The following GRID2IP variants were observed in gnomAD, a reference collection of about 807,000 sequenced individuals.
GRID2IP encodes the protein Grid2 interacting protein, also known as delphilin.
A neutral mutation model predicts 114.3 loss-of-function variants in GRID2IP; 78 were observed. The ratio of observed to expected loss-of-function variants is 0.68; its 90% confidence interval spans 0.57 to 0.82. The LOEUF (loss-of-function observed/expected upper bound fraction) is 0.82. Ranked by LOEUF, GRID2IP falls within the 40% of genes least tolerant of loss-of-function variation. GRID2IP has a pLI of 0.00. For missense variants in GRID2IP, 1,727 were observed against 1,678.5 expected, an observed-to-expected ratio of 1.03 and a Z score of -0.51; for synonymous variants, 809 against 724.0, an observed-to-expected ratio of 1.12 and a Z score of -1.89.
At chr7:6,502,913 C>T (rs1383285416) in intron 17 of GRID2IP, 41 bp from the exon 18 acceptor site, 1 of 1,539,378 alleles carries the variant, frequency 6.5e-7, no homozygotes, top group Admixed American at 2.0e-5. Context: ...CTCACCCCAC[C>T]ACCCATCCAC....
At chr7:6,497,897 G>A in intron 21 of GRID2IP, 52 bp from the exon 22 acceptor site, 1 of 1,486,040 alleles carries the variant, frequency 6.7e-7, no homozygotes, top group African/African-American at 1.4e-5. Flanking sequence ...AGGAACCTGT[G>A]ACGCCTTCCC....
chr7:6,526,574 C>T lies in GRID2IP; in HGVS notation c.780G>A (p.Pro260=). 1 of 1,203,066 alleles carries T rather than the reference C, an allele frequency of 8.3e-7. No homozygotes were observed. The highest frequency in any genetic ancestry group is 1.6e-5 in the African/African-American group (1 of 63,094). The allele number at this position is 1,203,066 out of a possible 1,614,324, so 74.5% of individuals were successfully genotyped here. A position where few individuals can be genotyped will look rare whatever the true frequency, so the allele number is the denominator to read the frequency against. Residue 260 remains proline, a synonymous_variant, in exon 3 of 22, where the codon CCG becomes CCA. Coordinates refer to ENST00000457091, the MANE Select transcript of GRID2IP (RefSeq NM_001145118.2). This position sits in a 1 kb window ranked among gnomAD's most constrained non-coding sequence, Gnocchi z 7.6. ...APPRRPDEPP[P]RRASLLVGGL... is the part of the protein sequence containing the mutation. ...CGCCCACCAGCAAGGAGGCCCTGCGCGGGGGCGGCTCATCGGGGCGGCGCG... is the reference window on the plus strand; with the variant it reads ...CGCCCACCAGCAAGGAGGCCCTGCGTGGGGGCGGCTCATCGGGGCGGCGCG...
chr7:6,530,437 A>T (rs55730495), intron 2 of GRID2IP, among the ~76,000 whole-genome samples: 130,731 of 151,526 alleles, frequency 0.86, 57,072 homozygotes, highest in African/African-American at 0.91. Flanking sequence ...CTGGCTTTTT[A>T]AATTTTTAGT....
At position 6,532,347 on chromosome 7, in the gene GRID2IP, G is replaced by C. The variant is rs1779645991; in HGVS notation, c.585-5578C>G. ...GGAACAGGAGAGGCAAGATGCCCCG[G>C]GGACTTTCCCTCTGTCTCACTCAGA... On this transcript the variant is annotated intron_variant, in intron 2 of 21. Coordinates refer to ENST00000457091, the MANE Select transcript of GRID2IP (RefSeq NM_001145118.2). This position sits in a 1 kb window ranked among gnomAD's most constrained non-coding sequence, Gnocchi z 4.4. Among the ~76,000 whole-genome samples, 1 of 152,098 alleles carries C rather than the reference G, an allele frequency of 6.6e-6. No homozygotes were observed. The highest frequency in any genetic ancestry group is 2.4e-5 in the African/African-American group (1 of 41,406).
rs1288591477 is a variant in GRID2IP at position 6,519,427 on chromosome 7, G to A, written c.1268+1151C>T. 2.0e-5 allele frequency among the ~76,000 whole-genome samples: 3 copies of A among 152,180 alleles called. No individual in the cohort carries two copies. The highest frequency in any genetic ancestry group is 4.2e-4 in the South Asian group (2 of 4,812). ...GCCCAAGAGTTCGAGACCAGCCTGG[G>A]TAACATAGTGAGACCTCCCCATCTT... On this transcript the variant is annotated intron_variant, in intron 7 of 21. Coordinates refer to ENST00000457091, the MANE Select transcript of GRID2IP (RefSeq NM_001145118.2). This position sits in a 1 kb window ranked among gnomAD's most constrained non-coding sequence, Gnocchi z 4.1.
chr7:6,501,802 G>A lies in GRID2IP; in HGVS notation c.3378C>T (p.Asp1126=). ...ATGCCGACATGACCATTGCAAACTTGTCCTCGCTAGAGGGGGAAATGCTCT... is the reference window on the plus strand; with the variant it reads ...ATGCCGACATGACCATTGCAAACTTATCCTCGCTAGAGGGGGAAATGCTCT... ...ACQSISPSSE[D]KFAMVMSSFL... The change falls in exon 20 of 22, where the codon GAC becomes GAT. Residue 1126 remains aspartate, a synonymous_variant. Transcript: ENST00000457091. 1 of 1,551,126 alleles carries A rather than the reference G, an allele frequency of 6.4e-7. No individual in the cohort carries two copies. The highest frequency in any genetic ancestry group is 2.4e-5 in the East Asian group (1 of 40,914).
chr7:6,550,657 C>CA (rs71008400), intron 1 of GRID2IP, among the ~76,000 whole-genome samples: 8,234 of 97,022 alleles, frequency 0.085, 310 homozygotes, highest in Non-Finnish European at 0.092. Context: ...CTAAAAATAC[C>CA]AAAAAAAAAA....
rs955025186 is a variant in GRID2IP at position 6,534,492 on chromosome 7, G to C, written c.584+5226C>G. 6.6e-6 allele frequency among the ~76,000 whole-genome samples: 1 copy of C among 152,160 alleles called. No individual in the cohort carries two copies. The highest frequency in any genetic ancestry group is 1.5e-5 in the Non-Finnish European group (1 of 68,048). On this transcript the variant is annotated intron_variant, in intron 2 of 21. Coordinates refer to ENST00000457091, the MANE Select transcript of GRID2IP (RefSeq NM_001145118.2). The surrounding 1 kb of genome is among the most constrained non-coding windows in gnomAD (Gnocchi z 4.5). ...GATTAACTGTTGTGGTGAAGGAATA[G>C]GAGACCACCTGCTTACATGGTGACC...
intron 4 of GRID2IP, among the ~76,000 whole-genome samples, chr7:6,522,528 T>G (rs1779431553): frequency 6.6e-6 from 1 of 151,768 alleles, no homozygotes; most frequent in Non-Finnish European, 1.5e-5. Context: ...AGAGACAGGG[T>G]CTTGCTGAAG....
At chr7:6,511,740 T>C (rs1425202574) in intron 8 of GRID2IP, among the ~76,000 whole-genome samples, 1 of 152,132 alleles carries the variant, frequency 6.6e-6, no homozygotes, top group Non-Finnish European at 1.5e-5. Context: ...ATCCTGAGCT[T>C]CTCGCTAAAA....
intron 2 of GRID2IP, 99 bp downstream of exon 2, chr7:6,539,619 C>T: frequency 8.7e-7 from 1 of 1,151,018 alleles, no homozygotes; most frequent in Non-Finnish European, 1.2e-6. Flanking sequence ...CTATTATCTC[C>T]CACCTGGGCT....
chr7:6,533,961 A>G (rs1249870287), intron 2 of GRID2IP, among the ~76,000 whole-genome samples: 2 of 152,062 alleles, frequency 1.3e-5, no homozygotes, highest in Admixed American at 6.6e-5. Flanking sequence ...CAATAACTCT[A>G]TATTATGGTG....
intron 8 of GRID2IP, 35 bp from the exon 9 acceptor site, chr7:6,511,074 C>A: frequency 7.3e-7 from 1 of 1,367,184 alleles, no homozygotes; most frequent in Admixed American, 3.7e-5. Context: ...GGCCCTCTTG[C>A]CCTCTCAGCC....
At chr7:6,517,504 A>T (rs10447683) in intron 7 of GRID2IP, among the ~76,000 whole-genome samples, 3 of 152,022 alleles carry the variant, frequency 2.0e-5, no homozygotes, top group Non-Finnish European at 4.4e-5. Flanking sequence ...TATTCAAGGA[A>T]GCCCAACTTA....
At position 6,521,982 on chromosome 7, in the gene GRID2IP, C is replaced by T. The variant is rs762217836; in HGVS notation, c.920-25G>A. 7.8e-6 allele frequency: 12 copies of T among 1,541,604 alleles called. No homozygotes were observed. The South Asian group carries it at 1.3e-4, about 17-fold the overall frequency. ...CCTGGAAGCAAGAAGAGAGGGTGTG[C>T]CGGTCAGCTGGGCAGGGTACCACTT... is the stretch of plus-strand genomic sequence containing the variant. On this transcript the variant is annotated intron_variant, in intron 4 of 21. Coordinates refer to ENST00000457091, the MANE Select transcript of GRID2IP (RefSeq NM_001145118.2). This position sits in a 1 kb window ranked among gnomAD's most constrained non-coding sequence, Gnocchi z 4.1.
chr7:6,503,884 G>T (rs771884006), intron 15 of GRID2IP, among the ~76,000 whole-genome samples, 197 bp from the exon 16 acceptor site: 1 of 151,828 alleles, frequency 6.6e-6, no homozygotes, highest in African/African-American at 2.4e-5. Flanking sequence ...TCCCGAATGG[G>T]GAGAGGACGG....
At chr7:6,504,274 C>T (rs1158689685) in intron 15 of GRID2IP, among the ~76,000 whole-genome samples, 1 of 76,600 alleles carries the variant, frequency 1.3e-5, no homozygotes, top group Non-Finnish European at 2.6e-5. Flanking sequence ...TGAGTTCGAG[C>T]GGGGGGAGAG....
chr7:6,520,874 G>C lies in GRID2IP; in HGVS notation c.1085-113C>G, dbSNP rs538098630. On this transcript the variant is annotated intron_variant, in intron 6 of 21. Coordinates refer to ENST00000457091, the MANE Select transcript of GRID2IP (RefSeq NM_001145118.2). The surrounding 1 kb of genome is among the most constrained non-coding windows in gnomAD (Gnocchi z 4.6). ...TCCTGAGCTGGGGTGTGGCTGTCCA[G>C]TGCCATGCATGGGAAGGCATGCCTG... 3.4e-5 allele frequency: 35 copies of C among 1,017,814 alleles called. No individual in the cohort carries two copies. The highest frequency in any genetic ancestry group is 4.8e-5 in the African/African-American group (3 of 62,490). 63.0% of individuals were successfully genotyped at this position (1,017,814 alleles called of 1,614,324 possible). A position where few individuals can be genotyped will look rare whatever the true frequency, so the allele number is the denominator to read the frequency against.
At position 6,502,883 on chromosome 7, in the gene GRID2IP, G is replaced by A. The variant is rs1445019088; in HGVS notation, c.3064-11C>T. 2 of 1,550,582 alleles carry A rather than the reference G, an allele frequency of 1.3e-6. No individual in the cohort carries two copies. The highest frequency in any genetic ancestry group is 3.9e-5 in the Admixed American group (2 of 50,980). ...CATGGCCAACACAAACTGTGGACAA[G>A]AAGGTGGGTAGGTCCTGTCCTCACC... On this transcript the variant is annotated splice_polypyrimidine_tract_variant and intron_variant, in intron 17 of 21. Transcript: ENST00000457091.
Sources: gnomAD v4.1 joint callset for allele counts (sites outside exome capture counted in the v4.1 genomes callset) on GRCh38, gnomAD v4.1.1 for gene constraint, Gnocchi (gnomAD v3.1) non-coding constraint, MANE v1.5 for transcripts, NCBI Gene and HGNC (gene_info 2026-07-23, HGNC 2026-07-21) for gene names.